The following TNS3 variants were observed in gnomAD, a reference collection of about 807,000 sequenced individuals.
The protein encoded by TNS3 is tensin-3.
A neutral mutation model predicts 140.9 loss-of-function variants in TNS3; 45 were observed. The ratio of observed to expected loss-of-function variants is 0.32; its 90% CI spans 0.25 to 0.41. TNS3 has a LOEUF of 0.41. Among genes scored for constraint, TNS3 ranks in the 10% least tolerant of loss-of-function variants. The pLI, the probability that TNS3 is intolerant of heterozygous loss-of-function variation, is 1.00. For missense variants in TNS3, 1,716 were observed against 1,906.7 expected, an observed-to-expected ratio of 0.90 and a Z score of 1.86; for synonymous variants, 815 against 788.4, an observed-to-expected ratio of 1.03 and a Z score of -0.56.
chr7:47,400,990 G>T, intron 13 of TNS3, 76 bp from the exon 14 acceptor site: 2 of 1,586,786 alleles, frequency 1.3e-6, no homozygotes, highest in Non-Finnish European at 1.7e-6. Flanking sequence ...CACACTCCGC[G>T]GAGGCCGGCA....
intron 1 of TNS3, among the ~76,000 whole-genome samples, chr7:47,564,654 A>AAAAAC (rs1800391353): frequency 1.4e-5 from 2 of 146,656 alleles, no homozygotes; most frequent in Non-Finnish European, 3.0e-5. Context: ...AAAAAACAAA[A>AAAAAC]AAAAACAAAA....
At chr7:47,430,676 A>G (rs1376762528) in intron 8 of TNS3, among the ~76,000 whole-genome samples, 1 of 152,074 alleles carries the variant, frequency 6.6e-6, no homozygotes, top group East Asian at 1.9e-4. Context: ...TTAGGCCACA[A>G]AACAAACCTT....
rs192172741 is a variant in TNS3, at chr7:47,452,031, G to A, written c.-75-9976C>T. Among the ~76,000 whole-genome samples, 486 of 152,320 alleles carry A rather than the reference G, an allele frequency of 3.2e-3. 2 individuals are homozygous for A. Among genetic ancestry groups the A allele is most frequent in the Admixed American group, 9.2e-3 (141 of 15,302 alleles). On this transcript the variant is annotated intron_variant, in intron 4 of 30. Transcript: ENST00000311160. ...CATCTGGAAAAGGGAGACAGAAACA[G>A]CATTCTTGGAAGGATTAAATAAGGA...
At chr7:47,364,178 T>A (rs1285420128) in intron 17 of TNS3, among the ~76,000 whole-genome samples, 2 of 151,882 alleles carry the variant, frequency 1.3e-5, no homozygotes, top group Non-Finnish European at 2.9e-5. Context: ...AATTTTAAAA[T>A]CAAAAGAGTT....
chr7:47,486,370 CTGTG>C (rs1393791226), intron 3 of TNS3, among the ~76,000 whole-genome samples: 7 of 151,530 alleles, frequency 4.6e-5, no homozygotes, highest in Non-Finnish European at 7.4e-5. Flanking sequence ...GAGAGCGTGT[CTGTG>C]TGTGTCTCCG....
At chr7:47,516,474 T>C (rs1243128692) in intron 2 of TNS3, among the ~76,000 whole-genome samples, 3 of 151,956 alleles carry the variant, frequency 2.0e-5, no homozygotes, top group Non-Finnish European at 2.9e-5. Flanking sequence ...AGCAGCATCC[T>C]CCCATCCTGC....
intron 16 of TNS3, among the ~76,000 whole-genome samples, chr7:47,378,982 G>A (rs1791584363): frequency 6.6e-6 from 1 of 152,216 alleles, no homozygotes; most frequent in Admixed American, 6.5e-5. Context: ...GTGCTGGTGA[G>A]GACAGGTGCT....
At chr7:47,295,410 C>T (rs547593671) in intron 24 of TNS3, among the ~76,000 whole-genome samples, 3 of 152,316 alleles carry the variant, frequency 2.0e-5, no homozygotes, top group South Asian at 2.1e-4. Flanking sequence ...TCGCCAGATG[C>T]TCTTGGTCCT....
chr7:47,361,051 A>C (rs1357922045), intron 17 of TNS3, among the ~76,000 whole-genome samples: 5 of 151,178 alleles, frequency 3.3e-5, no homozygotes, highest in African/African-American at 9.7e-5. Context: ...CTCCCTCCTG[A>C]GATTCTTCCT....
rs565334118 is a variant in TNS3, at chr7:47,409,420, G to T, written c.723+2307C>A. Among the ~76,000 whole-genome samples, 4 of 152,164 alleles carry T rather than the reference G, an allele frequency of 2.6e-5. No individual in the cohort carries two copies. The East Asian group carries it at 5.8e-4, about 22-fold the overall frequency. ...GTCCCATGCTCTTGGTGGGCGGTAG[G>T]GGGGAAGACACATCTTAGCCTGAGG... On this transcript the variant is annotated intron_variant, in intron 13 of 30. Coordinates refer to ENST00000311160, the MANE Select transcript of TNS3 (RefSeq NM_022748.12).
intron 5 of TNS3, among the ~76,000 whole-genome samples, chr7:47,440,088 G>A (rs931596252): frequency 1.3e-5 from 2 of 152,120 alleles, no homozygotes; most frequent in Admixed American, 6.5e-5. Flanking sequence ...AGGGGGCACC[G>A]GGAGGGGGCC....
At chr7:47,508,824 G>C (rs1798508279) in intron 2 of TNS3, among the ~76,000 whole-genome samples, 1 of 152,190 alleles carries the variant, frequency 6.6e-6, no homozygotes, top group African/African-American at 2.4e-5. Context: ...ATGTTGTGAG[G>C]ACACTCAAGC....
chr7:47,492,052 C>A (rs773747226), intron 3 of TNS3, among the ~76,000 whole-genome samples: 4 of 152,190 alleles, frequency 2.6e-5, no homozygotes, highest in Non-Finnish European at 4.4e-5. Flanking sequence ...AGTTAAAATA[C>A]CTGACTCTGA....
intron 13 of TNS3, among the ~76,000 whole-genome samples, chr7:47,405,160 G>A (rs1283380292): frequency 1.3e-5 from 2 of 152,152 alleles, no homozygotes; most frequent in Non-Finnish European, 2.9e-5. Context: ...GAGAGTCAAG[G>A]CTTAAGGTAT....
chr7:47,318,898 T>C lies in TNS3; in HGVS notation c.2651-13895A>G, dbSNP rs113478691. Among the ~76,000 whole-genome samples the C allele has an allele frequency of 9.8e-3, 1,491 of 152,360 alleles. 22 individuals carry two copies. Among genetic ancestry groups the C allele is most frequent in the African/African-American group, 0.034 (1,402 of 41,592 alleles). ...AGTCCGCAGAATAATTCCAGTCTCA[T>C]AACTGGACTTGTCCACAGGACAGGA... On this transcript the variant is annotated intron_variant, in intron 20 of 30. Transcript: ENST00000311160.
chr7:47,497,775 G>C (rs1584774174), intron 3 of TNS3, among the ~76,000 whole-genome samples: 1 of 151,912 alleles, frequency 6.6e-6, no homozygotes, highest in East Asian at 1.9e-4. Flanking sequence ...TGGATGCCTG[G>C]CCTTGCTGCT....
At chr7:47,299,740 C>T (rs980800525) in intron 23 of TNS3, among the ~76,000 whole-genome samples, 1 of 152,152 alleles carries the variant, frequency 6.6e-6, no homozygotes, top group Admixed American at 6.5e-5. Context: ...ATTTTAGACC[C>T]GCTGTTTTTC....
At chr7:47,564,659 A>AAAAG (rs1800391885) in intron 1 of TNS3, among the ~76,000 whole-genome samples, 1 of 148,264 alleles carries the variant, frequency 6.7e-6, no homozygotes, top group Non-Finnish European at 1.5e-5. Flanking sequence ...ACAAAAAAAA[A>AAAAG]CAAAAAAAGA....
At chr7:47,373,598 G>A (rs1238954527) in intron 16 of TNS3, among the ~76,000 whole-genome samples, 1 of 152,142 alleles carries the variant, frequency 6.6e-6, no homozygotes, top group African/African-American at 2.4e-5. Context: ...TCCTCAACAG[G>A]TGCTGCCCTA....
Sources: gnomAD v4.1 joint callset for allele counts (sites outside exome capture counted in the v4.1 genomes callset) on GRCh38, gnomAD v4.1.1 for gene constraint, MANE v1.5 for transcripts, NCBI Gene and HGNC (gene_info 2026-07-23, HGNC 2026-07-21) for gene names.